The following CCDC171 variants were observed in gnomAD, a reference collection of about 807,000 sequenced individuals.
CCDC171 encodes the protein coiled-coil domain containing 171, also known as coiled-coil domain-containing protein 171.
CCDC171 carries 177 observed loss-of-function variants against 168.2 expected under a neutral mutation model. The observed-to-expected ratio is 1.05, with a 90% CI of 0.93 to 1.19. The LOEUF is 1.19. CCDC171 is among the 50% of genes most tolerant of loss of function. CCDC171 has a pLI of 0.00. For synonymous variants in CCDC171, 687 were observed against 540.8 expected, an observed-to-expected ratio of 1.27 and a Z score of -3.75; for missense variants, 1,991 against 1,539.0, an observed-to-expected ratio of 1.29 and a Z score of -4.91.
chr9:15,660,731 G>A (rs1201125522), intron 8 of CCDC171, among the ~76,000 whole-genome samples: 1 of 152,190 alleles, frequency 6.6e-6, no homozygotes, highest in East Asian at 1.9e-4. Context: ...ATTGATTGAT[G>A]AGCACCTGTG....
chr9:15,627,738 C>G (rs2045287365), intron 7 of CCDC171, among the ~76,000 whole-genome samples: 1 of 152,158 alleles, frequency 6.6e-6, no homozygotes, highest in African/African-American at 2.4e-5. Context: ...TCACTTCCAA[C>G]TTTGTGGTCA....
chr9:15,580,170 A>G (rs753607062), intron 4 of CCDC171, among the ~76,000 whole-genome samples: 1 of 152,222 alleles, frequency 6.6e-6, no homozygotes, highest in Non-Finnish European at 1.5e-5. Context: ...AGCCACATGT[A>G]GAAGAGTGAA....
At chr9:15,658,853 A>G (rs970825806) in intron 8 of CCDC171, among the ~76,000 whole-genome samples, 1 of 152,204 alleles carries the variant, frequency 6.6e-6, no homozygotes, top group African/African-American at 2.4e-5. Context: ...CTGTAAGATA[A>G]TACATTTATG....
At chr9:15,982,106 T>A (rs1831815807) in intron 3 of CCDC171, among the ~76,000 whole-genome samples, 1 of 152,208 alleles carries the variant, frequency 6.6e-6, no homozygotes, top group Non-Finnish European at 1.5e-5. Context: ...ATACTTCCTC[T>A]GTATGGAGCA....
intron 21 of CCDC171, among the ~76,000 whole-genome samples, chr9:15,838,555 A>G (rs527908706): frequency 3.3e-4 from 50 of 152,316 alleles, no homozygotes; most frequent in African/African-American, 1.2e-3. Flanking sequence ...CACAAAGTTC[A>G]TAGAAAACAT....
At chr9:15,913,366 G>A (rs1823999552) in intron 24 of CCDC171, among the ~76,000 whole-genome samples, 1 of 152,192 alleles carries the variant, frequency 6.6e-6, no homozygotes, top group African/African-American at 2.4e-5. Flanking sequence ...TGTGGGAGCA[G>A]TGGTGATCTC....
At chr9:15,983,511 T>TGTGTGTGAGA (rs1554707509) in intron 3 of CCDC171, among the ~76,000 whole-genome samples, 15 of 137,286 alleles carry the variant, frequency 1.1e-4, no homozygotes. Flanking sequence ...TGTGTGTGTG[T>TGTGTGTGAGA]GAGAGAGAGA....
intron 4 of CCDC171, among the ~76,000 whole-genome samples, chr9:15,586,970 A>T (rs1274044990): frequency 6.6e-6 from 1 of 151,946 alleles, no homozygotes; most frequent in Non-Finnish European, 1.5e-5. Flanking sequence ...ACCACACGTG[A>T]CTAATTAAAA....
downstream of CCDC171, among the ~76,000 whole-genome samples, chr9:15,977,542 A>T (rs548561981): frequency 3.9e-5 from 6 of 152,352 alleles, no homozygotes; most frequent in Admixed American, 3.3e-4. Context: ...CAGAAGCCCT[A>T]CAACATATAA....
At chr9:16,006,636 G>A (rs1263537470) in intron 3 of CCDC171, among the ~76,000 whole-genome samples, 4 of 148,654 alleles carry the variant, frequency 2.7e-5, no homozygotes, top group African/African-American at 1.0e-4. Flanking sequence ...CTGTGTCCAT[G>A]TGTTCTCATT....
chr9:15,785,204 TC>T (rs2057877813), intron 21 of CCDC171, among the ~76,000 whole-genome samples: 1 of 152,118 alleles, frequency 6.6e-6, no homozygotes, highest in Admixed American at 6.5e-5. Flanking sequence ...AGAGAAGCTA[TC>T]ATTTAAAAGT....
intron 11 of CCDC171, among the ~76,000 whole-genome samples, chr9:15,713,580 T>C (rs1325889414): frequency 1.3e-5 from 2 of 152,170 alleles, no homozygotes; most frequent in Non-Finnish European, 2.9e-5. Flanking sequence ...TGGTGAATTG[T>C]TGGCCATGTA....
intron 5 of CCDC171, 57 bp downstream of exon 5, chr9:15,591,613 G>C: frequency 1.1e-6 from 1 of 937,776 alleles, no homozygotes; most frequent in Non-Finnish European, 1.6e-6. Context: ...GAGATGTGTT[G>C]TACATTACTT....
At chr9:15,828,333 G>GA (rs71325935) in intron 21 of CCDC171, among the ~76,000 whole-genome samples, 134,369 of 147,814 alleles carry the variant, frequency 0.91, 61,119 homozygotes, top group East Asian at 0.97. Flanking sequence ...AGAAGATACA[G>GA]AAAAAAAAAA....
At chr9:15,854,179 G>A (rs2061258899) in intron 23 of CCDC171, among the ~76,000 whole-genome samples, 1 of 150,544 alleles carries the variant, frequency 6.6e-6, no homozygotes, top group African/African-American at 2.5e-5. Context: ...AGAGATTAGT[G>A]TTAATTCTTT....
At chr9:16,078,066 AC>A in the CCDC171 span, among the ~76,000 whole-genome samples, 1 of 48,590 alleles carries the variant, frequency 2.1e-5, no homozygotes, top group Non-Finnish European at 3.5e-5. Flanking sequence ...ACACACACAC[AC>A]ACACACACAC....
intron 7 of CCDC171, among the ~76,000 whole-genome samples, chr9:15,645,508 G>C (rs991219790): frequency 6.6e-6 from 1 of 152,104 alleles, no homozygotes; most frequent in South Asian, 2.1e-4. Flanking sequence ...AAAAAAGGTT[G>C]GACGAATGGC....
chr9:15,769,523 A>G (rs970100628), intron 18 of CCDC171, among the ~76,000 whole-genome samples: 4 of 152,244 alleles, frequency 2.6e-5, no homozygotes, highest in Admixed American at 6.5e-5. Flanking sequence ...ACGATAGACC[A>G]TGATAATATT....
At chr9:15,638,866 A>C (rs1262461962) in intron 7 of CCDC171, among the ~76,000 whole-genome samples, 3 of 152,064 alleles carry the variant, frequency 2.0e-5, no homozygotes, top group African/African-American at 7.2e-5. Context: ...CATGGCTTTT[A>C]TAAACCTCTT....
Sources: gnomAD v4.1 joint callset for allele counts (sites outside exome capture counted in the v4.1 genomes callset) on GRCh38, gnomAD v4.1.1 for gene constraint, MANE v1.5 for transcripts, NCBI Gene and HGNC (gene_info 2026-07-23, HGNC 2026-07-21) for gene names.